The following PLCL2 variants were observed in gnomAD, a reference collection of about 807,000 sequenced individuals.
PLCL2 encodes inactive phospholipase C-like protein 2.
A neutral mutation model predicts 79.6 loss-of-function variants in PLCL2; 4 were observed. The observed-to-expected ratio is 0.05, with a 90% CI of 0.02 to 0.11. The LOEUF (loss-of-function observed/expected upper bound fraction) is 0.11. PLCL2 is among the 10% of genes least tolerant of loss of function. The pLI is 1.00. For missense variants in PLCL2, 895 were observed against 1,291.0 expected (o/e 0.69, Z 4.70); for synonymous variants, 484 against 457.7 (o/e 1.06, Z -0.73).
chr3:17,033,436 G>T (rs1397350987), intron 3 of PLCL2, among the ~76,000 whole-genome samples: 2 of 152,022 alleles, frequency 1.3e-5, no homozygotes, highest in Non-Finnish European at 2.9e-5. Context: ...AAATTTTTTG[G>T]AAATATTTTG....
chr3:17,004,056 C>G (rs906277325), intron 1 of PLCL2, among the ~76,000 whole-genome samples: 1 of 152,186 alleles, frequency 6.6e-6, no homozygotes, highest in Non-Finnish European at 1.5e-5. Flanking sequence ...CATCTTCTTC[C>G]CACGCTCTAC....
At chr3:16,997,683 C>T (rs759888344) in intron 1 of PLCL2, among the ~76,000 whole-genome samples, 53 of 152,072 alleles carry the variant, frequency 3.5e-4, no homozygotes, top group African/African-American at 6.5e-4. Context: ...GGATTACAGG[C>T]GCCTGCCACC....
chr3:17,072,748 A>G (rs1272022508), intron 5 of PLCL2, among the ~76,000 whole-genome samples: 3 of 151,196 alleles, frequency 2.0e-5, no homozygotes, highest in Non-Finnish European at 4.4e-5. Context: ...TTTATTGTCC[A>G]TGTTAAAAGT....
At chr3:16,988,889 G>A (rs1301875265) in intron 1 of PLCL2, among the ~76,000 whole-genome samples, 29 of 152,040 alleles carry the variant, frequency 1.9e-4, no homozygotes, top group Admixed American at 1.9e-3. Context: ...TTATATTTGT[G>A]TCCTAGCATA....
intron 5 of PLCL2, among the ~76,000 whole-genome samples, chr3:17,072,094 T>C (rs1459103012): frequency 1.3e-5 from 2 of 152,178 alleles, no homozygotes; most frequent in Non-Finnish European, 2.9e-5. Flanking sequence ...TCCAAAGTGC[T>C]GGGATTACAG....
chr3:17,056,989 A>G (rs1474515218), intron 4 of PLCL2, among the ~76,000 whole-genome samples: 1 of 152,228 alleles, frequency 6.6e-6, no homozygotes, highest in South Asian at 2.1e-4. Context: ...TTCAGTGCAC[A>G]TGAAATATAT....
chr3:16,986,964 T>C (rs2064056202), intron 1 of PLCL2, among the ~76,000 whole-genome samples: 1 of 151,848 alleles, frequency 6.6e-6, no homozygotes, highest in South Asian at 2.1e-4. Context: ...AGAGAAGCCA[T>C]TTGATATAGA....
intron 4 of PLCL2, among the ~76,000 whole-genome samples, chr3:17,051,297 G>A (rs903695912): frequency 3.3e-5 from 5 of 152,114 alleles, no homozygotes; most frequent in African/African-American, 7.2e-5. Context: ...TTAAAACAAT[G>A]AAGAGTATTA....
rs1277096347 is a variant in PLCL2, at chr3:17,010,191, A to G, written c.845A>G (p.Asp282Gly). 4 of 1,614,006 alleles carry G rather than the reference A, an allele frequency of 2.5e-6. No individual in the cohort carries two copies. The highest frequency in any genetic ancestry group is 3.4e-6 in the Non-Finnish European group (4 of 1,179,966). Reference protein sequence around the residue: ...VSQMFSEIDVDNLGHITLCNA... With the variant: ...VSQMFSEIDVGNLGHITLCNA... ...CAAATGTTTAGTGAAATTGATGTAGATAACCTTGGACATATAACTCTGTGT... is the reference window on the plus strand; with the variant it reads ...CAAATGTTTAGTGAAATTGATGTAGGTAACCTTGGACATATAACTCTGTGT... Residue 282 changes from aspartate (D) to glycine (G), a missense_variant, in exon 2 of 6, where the codon GAT becomes GGT. By Grantham distance (94) the Asp-to-Gly change is moderately conservative. Around this residue, in one of 6 missense-constraint regions of PLCL2, gnomAD observed 93 missense variants for 93.2 expected, o/e 1.00. Coordinates refer to ENST00000615277, the MANE Select transcript of PLCL2 (RefSeq NM_001144382.2). The surrounding 1 kb of genome is among the most constrained non-coding windows in gnomAD (Gnocchi z 5.8).
chr3:17,007,579 T>TC (rs2064275430), intron 1 of PLCL2, among the ~76,000 whole-genome samples: 1 of 152,236 alleles, frequency 6.6e-6, no homozygotes, highest in African/African-American at 2.4e-5. Flanking sequence ...CACAAAAGCT[T>TC]CTATGGTTCA....
chr3:16,961,789 T>G (rs962998116), intron 1 of PLCL2, among the ~76,000 whole-genome samples: 1 of 152,118 alleles, frequency 6.6e-6, no homozygotes, highest in African/African-American at 2.4e-5. Flanking sequence ...AGGTAGAGTA[T>G]GTGAAACCCC....
chr3:17,040,697 G>A (rs1236490556), intron 3 of PLCL2, among the ~76,000 whole-genome samples: 1 of 152,100 alleles, frequency 6.6e-6, no homozygotes, highest in Admixed American at 6.6e-5. Flanking sequence ...AGGAAATTAG[G>A]GTTATGAGGT....
rs11711223 is a variant in PLCL2, at chr3:17,056,900, G to A, written c.3095-11056G>A. ...GAACTAGGGGCTTGAGGGAATGCAG[G>A]ATTTGTATAAGTTAAGCAGAAGGAA... On this transcript the variant is annotated intron_variant, in intron 4 of 5. Coordinates refer to ENST00000615277, the MANE Select transcript of PLCL2 (RefSeq NM_001144382.2). Among the ~76,000 whole-genome samples, 246 of 152,248 alleles carry A rather than the reference G, an allele frequency of 1.6e-3. 1 individual carries two copies. Among genetic ancestry groups the A allele is most frequent in the Middle Eastern group, 3.4e-3 (1 of 294 alleles).
chr3:16,948,181 T>A (rs2063618844), intron 1 of PLCL2, among the ~76,000 whole-genome samples: 1 of 152,146 alleles, frequency 6.6e-6, no homozygotes, highest in Middle Eastern at 3.2e-3. Flanking sequence ...TATTTGGCAA[T>A]AAGAAGAAAT....
At chr3:16,912,148 C>T (rs758900512) in intron 1 of PLCL2, among the ~76,000 whole-genome samples, 18 of 152,108 alleles carry the variant, frequency 1.2e-4, no homozygotes, top group Admixed American at 2.6e-4. Flanking sequence ...CATAGTCACC[C>T]TCCCCAGTGG....
chr3:17,021,595 T>TGC (rs2064453819), intron 3 of PLCL2, among the ~76,000 whole-genome samples: 2 of 146,602 alleles, frequency 1.4e-5, no homozygotes, highest in South Asian at 4.4e-4. Flanking sequence ...AAAGTATTCT[T>TGC]ACACACACAC....
intron 1 of PLCL2, among the ~76,000 whole-genome samples, chr3:16,952,870 C>T (rs1200780067): frequency 6.6e-6 from 1 of 151,658 alleles, no homozygotes; most frequent in Non-Finnish European, 1.5e-5. Flanking sequence ...TGCAACTTAC[C>T]GAGGGCAGCT....
In PLCL2 at chr3:16,984,228, T is replaced by A. The variant is rs562830866; in HGVS notation, c.328-25446T>A. On this transcript the variant is annotated intron_variant, in intron 1 of 5. Coordinates refer to ENST00000615277, the MANE Select transcript of PLCL2 (RefSeq NM_001144382.2). ...AACAGAGCTAATTTGGTTTTTTAAATTCTGATATTTTTAGAGAAGAAATAA... is the reference window on the plus strand; with the variant it reads ...AACAGAGCTAATTTGGTTTTTTAAAATCTGATATTTTTAGAGAAGAAATAA... Among the ~76,000 whole-genome samples the A allele has an allele frequency of 9.6e-4, 146 of 152,260 alleles. 3 individuals are homozygous for A. Among genetic ancestry groups the A allele is most frequent in the African/African-American group, 3.3e-3 (139 of 41,528 alleles).
At chr3:16,968,748 G>C (rs935463827) in intron 1 of PLCL2, among the ~76,000 whole-genome samples, 13 of 152,186 alleles carry the variant, frequency 8.5e-5, no homozygotes, top group African/African-American at 2.9e-4. Context: ...CTTCCAGTTT[G>C]GATGCCTTTT....
Sources: allele counts gnomAD v4.1 joint callset (sites outside exome capture counted in the v4.1 genomes callset), GRCh38; gene constraint gnomAD v4.1.1; regional missense constraint gnomAD v4.1.1; non-coding constraint Gnocchi (gnomAD v3.1); transcripts MANE v1.5; gene names NCBI Gene and HGNC (gene_info 2026-07-23, HGNC 2026-07-21).